CDHR5: variants seen among roughly 807,000 people sequenced by gnomAD.
CDHR5 encodes the protein cadherin related family member 5.
A neutral mutation model predicts 69.5 loss-of-function variants in CDHR5; 82 were observed. The ratio of observed to expected loss-of-function variants is 1.18; its 90% CI spans 0.99 to 1.42. The LOEUF (loss-of-function observed/expected upper bound fraction) is 1.42, where lower values mean the gene tolerates loss of function less well. CDHR5 is among the 40% of genes most tolerant of loss of function. The probability of loss-of-function intolerance (pLI) is 0.00; values close to 1 mark genes in which losing one functional copy is unlikely to be tolerated. For synonymous variants in CDHR5, 601 were observed against 510.2 expected (o/e 1.18, Z -2.40); for missense variants, 1,293 against 1,168.9 (o/e 1.11, Z -1.55).
rs752812637 is a variant in CDHR5 at position 620,416 on chromosome 11, C to T, written c.790-30G>A. On this transcript the variant is annotated intron_variant, in intron 7 of 14. Coordinates refer to ENST00000397542, the MANE Select transcript of CDHR5 (RefSeq NM_021924.5). Reference sequence around the variant, plus strand: ...AGGGATGGCGGAAGGGAGGGCACGTCGTGGGGCTGGGGTGGATGGCCCCAG... The same window carrying T: ...AGGGATGGCGGAAGGGAGGGCACGTTGTGGGGCTGGGGTGGATGGCCCCAG... The T allele has an allele frequency of 1.4e-5, 21 of 1,513,322 alleles. No homozygotes were observed. In the Admixed American group the frequency reaches 2.1e-4, roughly 15 times the overall value. The allele number at this position is 1,513,322 out of a possible 1,614,324, so 93.7% of individuals were successfully genotyped here.
Position 624,768 on chromosome 11 carries a change from G to GCCCCTGGCT in CDHR5, c.85+41_86-37dup. 2 of 1,603,804 alleles carry GCCCCTGGCT rather than the reference G, an allele frequency of 1.2e-6. No homozygotes were observed. The highest frequency in any genetic ancestry group is 1.7e-6 in the Non-Finnish European group (2 of 1,173,482). On this transcript the variant is annotated intron_variant, in intron 1 of 14. Coordinates refer to ENST00000397542, the MANE Select transcript of CDHR5 (RefSeq NM_021924.5). This position sits in a 1 kb window ranked among gnomAD's most constrained non-coding sequence, Gnocchi z 5.3. ...GCAGAGGAGGGATCAGTGCCTCCCA[G>GCCCCTGGCT]CCCCTGGCTCCCCGCCGCCCGTGCC...
Position 624,147 on chromosome 11 carries a change from G to A in CDHR5, c.312+66C>T, listed in dbSNP as rs929409579. ...GCTGACGTCATCAAAGACTGGTCCT[G>A]GACCGGCAGGGCAGAGCCCAGCAGA... On this transcript the variant is annotated intron_variant, in intron 3 of 14. Transcript: ENST00000397542. This position sits in a 1 kb window ranked among gnomAD's most constrained non-coding sequence, Gnocchi z 5.3. 1.3e-5 allele frequency: 9 copies of A among 719,902 alleles called. No individual in the cohort carries two copies. The African/African-American group carries it at 1.6e-4, about 12-fold the overall frequency. 44.6% of individuals were successfully genotyped at this position (719,902 alleles called of 1,614,324 possible). A position where few individuals can be genotyped will look rare whatever the true frequency, so the allele number is the denominator to read the frequency against.
chr11:623,761 G>T (rs868760909), intron 3 of CDHR5, among the ~76,000 whole-genome samples: 45 of 152,268 alleles, frequency 3.0e-4, no homozygotes, highest in African/African-American at 1.0e-3. Context: ...GAAGCCGGTG[G>T]GCCAGCTGGA....
chr11:619,176 G>T lies in CDHR5; in HGVS notation c.1383C>A (p.Val461=). Residue 461 remains valine, a synonymous_variant, in exon 13 of 15, where the codon GTC becomes GTA. Transcript: ENST00000397542. Reference sequence around the variant, plus strand: ...TTCCTCCAGCCTCTGGGGATGGGGGGACATCTGGGGGCCGGGAACAGTGCT... The same window carrying T: ...TTCCTCCAGCCTCTGGGGATGGGGGTACATCTGGGGGCCGGGAACAGTGCT... ...VSEQEPPSTD[V]PPSPEAGGTT... is the part of the protein sequence containing the mutation. 5 of 1,531,328 alleles carry T rather than the reference G, an allele frequency of 3.3e-6. No individual in the cohort carries two copies. Among genetic ancestry groups the T allele is most frequent in the Middle Eastern group, 1.7e-4 (1 of 5,724 alleles). 94.9% of individuals were successfully genotyped at this position (1,531,328 alleles called of 1,614,324 possible).
At chr11:622,096 G>A (rs375122166) in intron 3 of CDHR5, among the ~76,000 whole-genome samples, 192 bp from the exon 4 acceptor site, 4 of 151,232 alleles carry the variant, frequency 2.6e-5, no homozygotes, top group African/African-American at 9.8e-5. Context: ...ACGGCCACCC[G>A]TCCCCGCCGT....
rs186816772 is a variant in CDHR5, at chr11:621,182, G to A, written c.687C>T (p.Pro229=). The change falls in exon 7 of 15, where the codon CCC becomes CCT. Residue 229 remains proline, a synonymous_variant. Coordinates refer to ENST00000397542, the MANE Select transcript of CDHR5 (RefSeq NM_021924.5). The surrounding 1 kb of genome is among the most constrained non-coding windows in gnomAD (Gnocchi z 4.4). The stretch of plus-strand genomic sequence containing the variant: ...GGAACCACGGGGGCCGCAGGTCGGC[G>A]GGCACCACGTTCAGCACTAGTGTGG... ...ATATLVLNVV[P]ADLRPPWFLP... is the part of the protein sequence containing the mutation. 528 of 1,605,760 alleles carry A rather than the reference G, an allele frequency of 3.3e-4. 2 individuals are homozygous for A. The East Asian group carries it at 9.2e-3, about 28-fold the overall frequency.
chr11:623,800 G>A (rs901048555), intron 3 of CDHR5, among the ~76,000 whole-genome samples: 2 of 152,112 alleles, frequency 1.3e-5, no homozygotes, highest in South Asian at 2.1e-4. Flanking sequence ...CTGGTGTCCC[G>A]GCCCTGATGG....
rs1312216821 is a variant in CDHR5 at position 617,743 on chromosome 11, G to C, written c.2146C>G (p.Gln716Glu). 1 of 1,457,798 alleles carries C rather than the reference G, an allele frequency of 6.9e-7. No individual in the cohort carries two copies. Among genetic ancestry groups the C allele is most frequent in the Non-Finnish European group, 9.0e-7 (1 of 1,112,862 alleles). The allele number at this position is 1,457,798 out of a possible 1,614,324, so 90.3% of individuals were successfully genotyped here. Residue 716 changes from glutamine to glutamate, a missense_variant, in exon 15 of 15, where the codon CAG becomes GAG. By Grantham distance (29) the Gln-to-Glu change is conservative. Coordinates refer to ENST00000397542, the MANE Select transcript of CDHR5 (RefSeq NM_021924.5). ...GCCTTGTGGTCAGGGAGGAACGCCT[G>C]GTTGTCAAAGCCTTGGGGCTGGGGC... ...PEPQPQGFDN[Q>E]AFLPDHKANW...
rs138004959 is a variant in CDHR5 at position 621,376 on chromosome 11, C to G, written c.587G>C (p.Arg196Pro). The G allele has an allele frequency of 1.2e-6, 2 of 1,613,066 alleles. No individual in the cohort carries two copies. Among genetic ancestry groups the G allele is most frequent in the African/African-American group, 1.3e-5 (1 of 74,908 alleles). Residue 196 changes from arginine to proline, a missense_variant, in exon 6 of 15, where the codon CGG becomes CCG. By Grantham distance (103) the Arg-to-Pro change is moderately radical. Coordinates refer to ENST00000397542, the MANE Select transcript of CDHR5 (RefSeq NM_021924.5). The surrounding 1 kb of genome is among the most constrained non-coding windows in gnomAD (Gnocchi z 4.4). ...CAGCAGCCAGAAGGTCATGTTCGGC[C>G]GCTCGTAGAAGTCCAGGGGCCGGTC... ...RLDRPLDFYE[R>P]PNMTFWLLVR...
rs756499551 is a variant in CDHR5, at chr11:624,810, G to C, written c.85+8C>G. On this transcript the variant is annotated splice_region_variant and intron_variant, in intron 1 of 14. Coordinates refer to ENST00000397542, the MANE Select transcript of CDHR5 (RefSeq NM_021924.5). This position sits in a 1 kb window ranked among gnomAD's most constrained non-coding sequence, Gnocchi z 5.3. ...GCCCGTGCCCCACCTACCCCTGCCC[G>C]CACATACACTGGGCCTGGGCCATGG... is the stretch of plus-strand genomic sequence containing the variant. The C allele has an allele frequency of 6.2e-6, 10 of 1,608,714 alleles. No individual in the cohort carries two copies. The highest frequency in any genetic ancestry group is 8.5e-6 in the Non-Finnish European group (10 of 1,177,730).
intron 9 of CDHR5, 93 bp from the exon 10 acceptor site, chr11:619,974 G>A (rs1422625932): frequency 1.6e-5 from 23 of 1,394,890 alleles, no homozygotes; most frequent in Middle Eastern, 2.5e-4. Context: ...CAGACTTGGC[G>A]GGGGCCCTGC....
Position 621,015 on chromosome 11 carries a change from G to T in CDHR5, c.789+65C>A. The T allele has an allele frequency of 2.4e-6, 3 of 1,251,876 alleles. No individual in the cohort carries two copies. The highest frequency in any genetic ancestry group is 3.3e-6 in the Non-Finnish European group (3 of 919,100). 77.5% of individuals were successfully genotyped at this position (1,251,876 alleles called of 1,614,324 possible). ...CCCCGCCCTTCCTCTCCTGATCCTG[G>T]CCGTCCCTGTGTCCAGCCTGCCTAG... On this transcript the variant is annotated intron_variant, in intron 7 of 14. Coordinates refer to ENST00000397542, the MANE Select transcript of CDHR5 (RefSeq NM_021924.5). This position sits in a 1 kb window ranked among gnomAD's most constrained non-coding sequence, Gnocchi z 4.4.
chr11:616,961 AGG>A lies in CDHR5; in HGVS notation c.*388_*389del. 12 of 219,060 alleles carry A rather than the reference AGG, an allele frequency of 5.5e-5. No individual in the cohort carries two copies. The South Asian group carries it at 5.8e-4, about 11-fold the overall frequency. The allele number at this position is 219,060 out of a possible 1,614,324, so 13.6% of individuals were successfully genotyped here. On this transcript the variant is annotated 3_prime_UTR_variant, in exon 15 of 15. Coordinates refer to ENST00000397542, the MANE Select transcript of CDHR5 (RefSeq NM_021924.5). ...ATCTCTGTGTAGGGTCGGGAGCGGG[AGG>A]TCTGAGATGAGCCGGGTGCCTGAGA...
Position 620,124 on chromosome 11 carries a change from G to C in CDHR5, c.921C>G (p.Gly307=). 6.2e-7 allele frequency: 1 copy of C among 1,613,642 alleles called. No homozygotes were observed. Among genetic ancestry groups the C allele is most frequent in the Non-Finnish European group, 8.5e-7 (1 of 1,179,796 alleles). Residue 307 remains glycine, a synonymous_variant, in exon 9 of 15, where the codon GGC becomes GGG. Coordinates refer to ENST00000397542, the MANE Select transcript of CDHR5 (RefSeq NM_021924.5). The part of the protein sequence containing the change: ...NGTFIIHPDS[G]NLTVARSVPS... Reference sequence around the variant, plus strand: ...GGACACTCCTGGCCACGGTGAGGTTGCCCGAGTCTGGGTGGATGATGAATG... The same window carrying C: ...GGACACTCCTGGCCACGGTGAGGTTCCCCGAGTCTGGGTGGATGATGAATG...
Position 619,057 on chromosome 11 carries a change from C to T in CDHR5, c.1502G>A (p.Gly501Asp), listed in dbSNP as rs538177063. 11 of 1,612,916 alleles carry T rather than the reference C, an allele frequency of 6.8e-6. No homozygotes were observed. Among genetic ancestry groups the T allele is most frequent in the East Asian group, 2.2e-5 (1 of 44,840 alleles). Residue 501 changes from glycine (G) to aspartate (D), a missense_variant, in exon 13 of 15, where the codon GGC becomes GAC. By Grantham distance (94) the Gly-to-Asp change is moderately conservative. Transcript: ENST00000397542. ...PSTTSSGGGT[G>D]PHPPSGTTLR... The stretch of plus-strand genomic sequence containing the variant: ...AGTTGTGCCAGAGGGTGGATGAGGG[C>T]CTGTGCCTCCCCCAGAGCTGGTCGT...
At position 620,174 on chromosome 11, in the gene CDHR5, TGATG is replaced by T; in HGVS notation, c.881-14_881-11del. 1 of 1,610,576 alleles carries T rather than the reference TGATG, an allele frequency of 6.2e-7. No homozygotes were observed. ...GTACCATTCACGTTTCCTGGGAGGA[TGATG>T]GAAGTGCTCAGCCCCGGCCCCCTGA... On this transcript the variant is annotated splice_polypyrimidine_tract_variant and intron_variant, in intron 8 of 14. Transcript: ENST00000397542.
At position 624,761 on chromosome 11, in the gene CDHR5, CCTCCCAGCCCCTGG is replaced by C. The variant is rs1564903155; in HGVS notation, c.85+43_86-30del. 7 of 1,602,306 alleles carry C rather than the reference CCTCCCAGCCCCTGG, an allele frequency of 4.4e-6. No individual in the cohort carries two copies. The South Asian group carries it at 7.8e-5, about 18-fold the overall frequency. ...TAAGGTTGCAGAGGAGGGATCAGTG[CCTCCCAGCCCCTGG>C]CTCCCCGCCGCCCGTGCCCCACCTA... On this transcript the variant is annotated intron_variant, in intron 1 of 14. Transcript: ENST00000397542. This position sits in a 1 kb window ranked among gnomAD's most constrained non-coding sequence, Gnocchi z 5.3.
Position 617,955 on chromosome 11 carries a change from G to C in CDHR5, c.2117C>G (p.Pro706Arg), listed in dbSNP as rs373834800. 1.2e-5 allele frequency: 20 copies of C among 1,610,236 alleles called. No homozygotes were observed. The highest frequency in any genetic ancestry group is 1.6e-5 in the Non-Finnish European group (19 of 1,179,294). ...PRLKCCCGKA[P>R]EPQPQGFDNQ... ...CCTGTTCTCCATCCTGGGCCTCACCGGAGCTTTGCCACAGCAGCACTTGAG... is the reference window on the plus strand; with the variant it reads ...CCTGTTCTCCATCCTGGGCCTCACCCGAGCTTTGCCACAGCAGCACTTGAG... The change falls in exon 14 of 15, where the codon CCG (proline) becomes CGG (arginine). Residue 706 changes from proline to arginine, a missense_variant and splice_region_variant. Coordinates refer to ENST00000397542, the MANE Select transcript of CDHR5 (RefSeq NM_021924.5).
rs565650496 is a variant in CDHR5, at chr11:617,192, G to T, written c.*159C>A. The T allele has an allele frequency of 3.2e-6, 2 of 624,160 alleles. No homozygotes were observed. The highest frequency in any genetic ancestry group is 1.9e-5 in the African/African-American group (1 of 53,798). The allele number at this position is 624,160 out of a possible 1,614,324, so 38.7% of individuals were successfully genotyped here. ...ACACCTGGGCTCAAGCGCTAATGAC[G>T]ACAGGGGACTGAGTGAATGGGACCC... is the stretch of plus-strand genomic sequence containing the variant. On this transcript the variant is annotated 3_prime_UTR_variant, in exon 15 of 15. Coordinates refer to ENST00000397542, the MANE Select transcript of CDHR5 (RefSeq NM_021924.5).
Sources: gnomAD v4.1 joint callset for allele counts (sites outside exome capture counted in the v4.1 genomes callset) on GRCh38, gnomAD v4.1.1 for gene constraint, Gnocchi (gnomAD v3.1) non-coding constraint, MANE v1.5 for transcripts, NCBI Gene and HGNC (gene_info 2026-07-23, HGNC 2026-07-21) for gene names.